ADAMTSL1: variants seen among roughly 807,000 people sequenced by gnomAD.
The protein encoded by ADAMTSL1 is ADAMTS-like protein 1.
In ADAMTSL1, 126 loss-of-function variants were observed where a neutral mutation model predicts 201.8. The observed-to-expected ratio is 0.62, with a 90% CI of 0.54 to 0.72. The LOEUF is 0.72. ADAMTSL1 is among the 30% of genes least tolerant of loss of function. The pLI, the probability that ADAMTSL1 is intolerant of heterozygous loss-of-function variation, is 0.00. For synonymous variants in ADAMTSL1, 1,121 were observed against 903.4 expected (o/e 1.24, Z -4.32); for missense variants, 2,679 against 2,277.8 (o/e 1.18, Z -3.59).
chr9:18,244,935 T>A (rs571982219), intron 2 of ADAMTSL1, among the ~76,000 whole-genome samples: 1 of 152,322 alleles, frequency 6.6e-6, no homozygotes, highest in South Asian at 2.1e-4. Context: ...TAGATTATTG[T>A]TTGATGGCAT....
chr9:18,681,777 C>T, intron 11 of ADAMTSL1, 35 bp from the exon 12 acceptor site: 1 of 1,518,810 alleles, frequency 6.6e-7, no homozygotes, highest in Non-Finnish European at 8.9e-7. Context: ...AAGGCTTTGC[C>T]TACGAGTCTC....
intron 2 of ADAMTSL1, among the ~76,000 whole-genome samples, chr9:18,365,672 G>C (rs541669776): frequency 1.5e-4 from 23 of 152,274 alleles, no homozygotes; most frequent in Admixed American, 1.1e-3. Flanking sequence ...TCCTAAAGTG[G>C]AAAAGGGAAA....
At chr9:18,296,802 C>G (rs575739878) in intron 2 of ADAMTSL1, among the ~76,000 whole-genome samples, 2 of 152,242 alleles carry the variant, frequency 1.3e-5, no homozygotes, top group Admixed American at 6.5e-5. Flanking sequence ...CAGTGTGGCT[C>G]TCTTGTGGTT....
chr9:18,892,258 C>T (rs1163030740), intron 25 of ADAMTSL1, 131 bp from the exon 26 acceptor site: 4 of 825,984 alleles, frequency 4.8e-6, no homozygotes, highest in Non-Finnish European at 7.5e-6. Context: ...AATCATCTTT[C>T]CAAGTAAATA....
chr9:18,449,132 A>G (rs1293089792), intron 2 of ADAMTSL1, among the ~76,000 whole-genome samples: 1 of 151,938 alleles, frequency 6.6e-6, no homozygotes, highest in Non-Finnish European at 1.5e-5. Flanking sequence ...ATTATATAAA[A>G]AGCATGAGTT....
intron 2 of ADAMTSL1, among the ~76,000 whole-genome samples, chr9:18,372,290 A>T (rs1837079006): frequency 1.3e-5 from 2 of 152,182 alleles, no homozygotes; most frequent in Non-Finnish European, 2.9e-5. Context: ...GGGTTTGGAG[A>T]AGAGAGGCCT....
At chr9:18,186,645 T>A (rs1021102090) in intron 2 of ADAMTSL1, among the ~76,000 whole-genome samples, 21 of 152,164 alleles carry the variant, frequency 1.4e-4, no homozygotes, top group African/African-American at 4.8e-4. Context: ...AAAAGTTGTC[T>A]AACATGTTTA....
At chr9:18,187,759 G>C (rs1226830415) in intron 2 of ADAMTSL1, among the ~76,000 whole-genome samples, 1 of 151,984 alleles carries the variant, frequency 6.6e-6, no homozygotes, top group African/African-American at 2.4e-5. Context: ...AAAAAAAGCA[G>C]GTAGGGAAGG....
At chr9:17,984,014 A>G (rs1342142849) in intron 1 of ADAMTSL1, among the ~76,000 whole-genome samples, 1 of 152,190 alleles carries the variant, frequency 6.6e-6, no homozygotes, top group Non-Finnish European at 1.5e-5. Flanking sequence ...GAGATTTATA[A>G]AATAAGTTAG....
At chr9:18,181,399 G>C (rs201759099) in intron 2 of ADAMTSL1, among the ~76,000 whole-genome samples, 38 of 151,878 alleles carry the variant, frequency 2.5e-4, no homozygotes, top group African/African-American at 4.6e-4. Flanking sequence ...TGACCAAGGG[G>C]TAATATCCAG....
chr9:18,507,560 A>C lies in ADAMTSL1; in HGVS notation c.191+2604A>C, dbSNP rs375539973. Among the ~76,000 whole-genome samples, 3 of 152,312 alleles carry C rather than the reference A, an allele frequency of 2.0e-5. No homozygotes were observed. In the South Asian group the frequency reaches 6.2e-4, roughly 32 times the overall value. On this transcript the variant is annotated intron_variant, in intron 2 of 28. Coordinates refer to ENST00000380548, the MANE Select transcript of ADAMTSL1 (RefSeq NM_001040272.6). ...ATTACCTTCAATTCACCAACCCAAT[A>C]CTTTAGTTTTTATGGCAATTACACA...
chr9:18,784,970 C>T (rs1821617910), intron 19 of ADAMTSL1, among the ~76,000 whole-genome samples: 1 of 152,158 alleles, frequency 6.6e-6, no homozygotes. Flanking sequence ...TCGAGACCAT[C>T]CTGGCCTACA....
At chr9:18,865,789 C>A (rs1219177670) in intron 23 of ADAMTSL1, among the ~76,000 whole-genome samples, 1 of 152,084 alleles carries the variant, frequency 6.6e-6, no homozygotes, top group East Asian at 1.9e-4. Context: ...TAGAAAGCAG[C>A]CTTGCCAAGT....
chr9:18,647,872 G>C (rs531732571), intron 7 of ADAMTSL1, among the ~76,000 whole-genome samples: 10 of 151,308 alleles, frequency 6.6e-5, no homozygotes, highest in African/African-American at 2.4e-4. Context: ...TGTTGATTTG[G>C]GGTGGAGAGT....
At chr9:18,549,755 G>C (rs1371322031) in intron 3 of ADAMTSL1, among the ~76,000 whole-genome samples, 2 of 151,970 alleles carry the variant, frequency 1.3e-5, no homozygotes, top group African/African-American at 4.8e-5. Flanking sequence ...CACTGTGACA[G>C]TCCCCAAGTT....
chr9:18,078,651 G>A (rs1823334989), intron 1 of ADAMTSL1, among the ~76,000 whole-genome samples: 1 of 152,042 alleles, frequency 6.6e-6, no homozygotes, highest in Non-Finnish European at 1.5e-5. Context: ...GTTTTTTCTA[G>A]ACTTCTCTTC....
chr9:18,167,884 G>T (rs954116071), intron 2 of ADAMTSL1, among the ~76,000 whole-genome samples: 3 of 151,934 alleles, frequency 2.0e-5, no homozygotes, highest in African/African-American at 7.2e-5. Flanking sequence ...AGGAACATTT[G>T]AGTTACTGAA....
intron 2 of ADAMTSL1, among the ~76,000 whole-genome samples, chr9:18,393,776 G>A (rs1249177665): frequency 6.6e-6 from 1 of 152,138 alleles, no homozygotes; most frequent in African/African-American, 2.4e-5. Context: ...AAATGCCCCA[G>A]TATTCCTGGC....
chr9:18,148,769 A>T lies in ADAMTSL1; in HGVS notation c.88-15093A>T, dbSNP rs184099624. Among the ~76,000 whole-genome samples the T allele has an allele frequency of 1.7e-4, 26 of 152,188 alleles. No individual in the cohort carries two copies. In the East Asian group the frequency reaches 4.5e-3, roughly 26 times the overall value. On this transcript the variant is annotated intron_variant, in intron 1 of 29. Transcript: ENST00000680146. Reference sequence around the variant, plus strand: ...CACATTTGGTAATATACTCAGGGGCACATTTAAACAAAAAGAGTTTGGTGA... The same window carrying T: ...CACATTTGGTAATATACTCAGGGGCTCATTTAAACAAAAAGAGTTTGGTGA...
Sources: gnomAD v4.1 joint callset for allele counts (sites outside exome capture counted in the v4.1 genomes callset) on GRCh38, gnomAD v4.1.1 for gene constraint, MANE v1.5 for transcripts, NCBI Gene and HGNC (gene_info 2026-07-23, HGNC 2026-07-21) for gene names.